CFAP97D2: variants seen among roughly 807,000 people sequenced by gnomAD.
CFAP97D2 encodes uncharacterized protein CFAP97D2.
chr13:114,215,971 A>C (rs1453754321), intron 4 of CFAP97D2: 1 of 152,248 alleles, frequency 6.6e-6, no homozygotes, highest in East Asian at 1.9e-4. Flanking sequence ...TCAAACCTGC[A>C]GGAAGTTTTG....
chr13:114,206,156 T>G (rs1460917070), intron 3 of CFAP97D2, among the ~76,000 whole-genome samples: 2 of 149,554 alleles, frequency 1.3e-5, no homozygotes, highest in Non-Finnish European at 3.0e-5. Flanking sequence ...CAGGCTGGAG[T>G]GCAGTGGCAC....
At chr13:114,212,514 A>T (rs1484250100) in intron 4 of CFAP97D2, among the ~76,000 whole-genome samples, 1 of 152,094 alleles carries the variant, frequency 6.6e-6, no homozygotes. Context: ...GAGGAGTTCG[A>T]GACCAGCCTG....
intron 1 of CFAP97D2, among the ~76,000 whole-genome samples, chr13:114,180,015 A>G (rs946261244): frequency 1.3e-5 from 2 of 152,208 alleles, no homozygotes; most frequent in East Asian, 3.9e-4. Context: ...CCTTGTCCCC[A>G]TTAGAAGATA....
At chr13:114,206,063 C>T (rs1036085250) in intron 3 of CFAP97D2, among the ~76,000 whole-genome samples, 1 of 151,936 alleles carries the variant, frequency 6.6e-6, no homozygotes, top group African/African-American at 2.4e-5. Flanking sequence ...AGCTCAAATG[C>T]CAGAGACATT....
At chr13:114,181,560 A>C (rs553129793) in intron 1 of CFAP97D2, among the ~76,000 whole-genome samples, 1 of 152,310 alleles carries the variant, frequency 6.6e-6, no homozygotes, top group East Asian at 1.9e-4. Context: ...AAGCAGCTAC[A>C]TGAGCAGGAC....
chr13:114,199,134 A>T (rs371063429), intron 2 of CFAP97D2, among the ~76,000 whole-genome samples: 3 of 9,866 alleles, frequency 3.0e-4, no homozygotes, highest in South Asian at 4.0e-3. Context: ...TACGGTCCCC[A>T]CTGAGGCGTG....
chr13:114,189,444 G>C lies in CFAP97D2; in HGVS notation c.91-6952G>C, dbSNP rs926323944. ...TACCTATTCTCTACAATCGCTTTCA[G>C]AGGACTGAAGCAGTGGGAATACCTC... On this transcript the variant is annotated intron_variant, in intron 1 of 4. Transcript: ENST00000646158. The surrounding 1 kb of genome is among the most constrained non-coding windows in gnomAD (Gnocchi z 4.5). Among the ~76,000 whole-genome samples, 2 of 152,162 alleles carry C rather than the reference G, an allele frequency of 1.3e-5. No individual in the cohort carries two copies. The highest frequency in any genetic ancestry group is 4.8e-5 in the African/African-American group (2 of 41,422).
intron 3 of CFAP97D2, among the ~76,000 whole-genome samples, chr13:114,208,379 T>A (rs1342477017): frequency 6.6e-6 from 1 of 152,212 alleles, no homozygotes; most frequent in African/African-American, 2.4e-5. Flanking sequence ...TGTGCTTAAA[T>A]GAATAGAATA....
At chr13:114,183,968 C>T (rs1267605465) in intron 1 of CFAP97D2, among the ~76,000 whole-genome samples, 4 of 152,118 alleles carry the variant, frequency 2.6e-5, no homozygotes, top group African/African-American at 7.2e-5. Flanking sequence ...GACAACATAG[C>T]GAGACACCTT....
intron 3 of CFAP97D2, among the ~76,000 whole-genome samples, chr13:114,206,217 C>G (rs1309005829): frequency 6.6e-6 from 1 of 151,942 alleles, no homozygotes; most frequent in Admixed American, 6.6e-5. Context: ...ATTCTCCTGC[C>G]TCAGCCTCCC....
chr13:114,188,703 G>A (rs997168689), intron 1 of CFAP97D2, among the ~76,000 whole-genome samples: 9 of 151,146 alleles, frequency 6.0e-5, no homozygotes, highest in East Asian at 5.9e-4. Context: ...CATGAACCCC[G>A]GAGGAGGAGC....
At chr13:114,212,788 G>A (rs571872254) in intron 4 of CFAP97D2, among the ~76,000 whole-genome samples, 44 of 152,124 alleles carry the variant, frequency 2.9e-4, no homozygotes, top group Non-Finnish European at 5.6e-4. Flanking sequence ...GGAGACGGAG[G>A]TTGCAGTGAG....
chr13:114,222,169 AG>A lies in CFAP97D2; in HGVS notation c.481-328del, dbSNP rs1232806872. On this transcript the variant is annotated intron_variant, in intron 4 of 4. Coordinates refer to ENST00000646158, the Ensembl canonical transcript of CFAP97D2. The surrounding 1 kb of genome is among the most constrained non-coding windows in gnomAD (Gnocchi z 4.4). Reference sequence around the variant, plus strand: ...AATAGGCACATTCAAAGAGACAAAAAGTAATCAGTGGTTGTCGGGGCTGGGG... The same window carrying A: ...AATAGGCACATTCAAAGAGACAAAAATAATCAGTGGTTGTCGGGGCTGGGG... 1.3e-5 allele frequency among the ~76,000 whole-genome samples: 2 copies of A among 152,212 alleles called. No homozygotes were observed. The highest frequency in any genetic ancestry group is 1.3e-4 in the Admixed American group (2 of 15,276).
intron 4 of CFAP97D2, among the ~76,000 whole-genome samples, chr13:114,221,323 C>G (rs2138793509): frequency 6.6e-6 from 1 of 152,338 alleles, no homozygotes; most frequent in South Asian, 2.1e-4. Flanking sequence ...CCTTTTTCCT[C>G]CTGAAGGCCC....
rs566256300 is a variant in CFAP97D2 at position 114,207,214 on chromosome 13, G to C, written c.291-4698G>C. 1.3e-5 allele frequency among the ~76,000 whole-genome samples: 2 copies of C among 152,204 alleles called. No homozygotes were observed. The highest frequency in any genetic ancestry group is 2.4e-5 in the African/African-American group (1 of 41,452). ...GGCACACAGAAAGTCCTCAGGGCTCGCAAACCAGAAAGTATCTAGACAGGT... is the reference window on the plus strand; with the variant it reads ...GGCACACAGAAAGTCCTCAGGGCTCCCAAACCAGAAAGTATCTAGACAGGT... On this transcript the variant is annotated intron_variant, in intron 3 of 4. Coordinates refer to ENST00000646158, the Ensembl canonical transcript of CFAP97D2. This position sits in a 1 kb window ranked among gnomAD's most constrained non-coding sequence, Gnocchi z 4.9.
chr13:114,215,759 G>T (rs1455342746), intron 4 of CFAP97D2: 1 of 152,220 alleles, frequency 6.6e-6, no homozygotes, highest in East Asian at 1.9e-4. Context: ...ACCCGTGGGG[G>T]CACTCTTTGC....
At chr13:114,204,383 T>C (rs762707746) in intron 3 of CFAP97D2, among the ~76,000 whole-genome samples, 1 of 152,246 alleles carries the variant, frequency 6.6e-6, no homozygotes, top group African/African-American at 2.4e-5. Context: ...ACCTGCTTTA[T>C]CTCTTTGCTT....
intron 4 of CFAP97D2, among the ~76,000 whole-genome samples, chr13:114,219,643 G>T (rs1230455974): frequency 6.6e-6 from 1 of 152,234 alleles, no homozygotes; most frequent in Non-Finnish European, 1.5e-5. Flanking sequence ...TATGGTTCAA[G>T]TGTAGGCTCC....
intron 1 of CFAP97D2, among the ~76,000 whole-genome samples, chr13:114,194,661 G>C (rs1204581005): frequency 6.6e-6 from 1 of 152,060 alleles, no homozygotes; most frequent in Non-Finnish European, 1.5e-5. Context: ...ACAAAATGGT[G>C]ATTTTTCGAC....
Sources: allele counts gnomAD v4.1 joint callset (sites outside exome capture counted in the v4.1 genomes callset), GRCh38; gene constraint gnomAD v4.1.1; non-coding constraint Gnocchi (gnomAD v3.1); transcripts MANE v1.5; gene names NCBI Gene and HGNC (gene_info 2026-07-23, HGNC 2026-07-21).